RANBP17: variants seen among roughly 807,000 people sequenced by gnomAD.
RANBP17 encodes RAN binding protein 17.
Under a neutral mutation model 141.2 loss-of-function variants are expected in RANBP17, and 158 were observed. The ratio of observed to expected loss-of-function variants is 1.12; its 90% CI spans 0.98 to 1.28. The LOEUF is 1.28. RANBP17 is among the 50% of genes most tolerant of loss of function. The pLI is 0.00. For missense variants in RANBP17, 1,438 were observed against 1,290.7 expected (o/e 1.11, Z -1.75); for synonymous variants, 430 against 450.0 (o/e 0.96, Z 0.56).
intron 14 of RANBP17, among the ~76,000 whole-genome samples, chr5:171,077,795 G>GT (rs1419868888): frequency 6.6e-5 from 10 of 152,192 alleles, no homozygotes; most frequent in Non-Finnish European, 1.5e-4. Flanking sequence ...GATAAGTGAA[G>GT]TAGCCTTATT....
At chr5:171,239,935 A>G (rs1764763765) in intron 22 of RANBP17, among the ~76,000 whole-genome samples, 1 of 152,200 alleles carries the variant, frequency 6.6e-6, no homozygotes, top group South Asian at 2.1e-4. Flanking sequence ...CTCCACTCCC[A>G]GCATCCAAAT....
At chr5:171,178,114 G>A (rs1760621130) in intron 16 of RANBP17, among the ~76,000 whole-genome samples, 1 of 151,222 alleles carries the variant, frequency 6.6e-6, no homozygotes, top group Non-Finnish European at 1.5e-5. Flanking sequence ...GTGGTTTGCT[G>A]CACCCATCAA....
At chr5:171,090,309 CA>C (rs1260038523) in intron 14 of RANBP17, among the ~76,000 whole-genome samples, 1 of 152,148 alleles carries the variant, frequency 6.6e-6, no homozygotes, top group African/African-American at 2.4e-5. Flanking sequence ...AAGAGACTGC[CA>C]GCATTTTGAC....
intron 18 of RANBP17, among the ~76,000 whole-genome samples, chr5:171,192,937 G>A (rs1554113944): frequency 1.3e-5 from 2 of 152,168 alleles, no homozygotes; most frequent in Non-Finnish European, 2.9e-5. Context: ...TGTGGCCCAA[G>A]TTTCAGGGGC....
At chr5:171,173,382 A>T (rs1405506388) in intron 16 of RANBP17, among the ~76,000 whole-genome samples, 2 of 152,054 alleles carry the variant, frequency 1.3e-5, no homozygotes, top group Non-Finnish European at 2.9e-5. Flanking sequence ...GTTATTGGAA[A>T]TCTGTTTATA....
intron 14 of RANBP17, among the ~76,000 whole-genome samples, chr5:171,145,844 C>A (rs2127820961): frequency 6.6e-6 from 1 of 152,072 alleles, no homozygotes; most frequent in Non-Finnish European, 1.5e-5. Flanking sequence ...CTAATCCCCC[C>A]AAAAGTAAGG....
At chr5:171,033,885 G>A (rs893033145) in intron 14 of RANBP17, among the ~76,000 whole-genome samples, 6 of 152,042 alleles carry the variant, frequency 3.9e-5, no homozygotes, top group African/African-American at 9.7e-5. Context: ...TTGATACCAC[G>A]ACAATTTAAA....
intron 14 of RANBP17, among the ~76,000 whole-genome samples, chr5:170,990,066 C>CT (rs1778399968): frequency 6.6e-6 from 1 of 151,708 alleles, no homozygotes; most frequent in Non-Finnish European, 1.5e-5. Flanking sequence ...CTATAATTGT[C>CT]TAAGTTTGAA....
intron 14 of RANBP17, among the ~76,000 whole-genome samples, chr5:171,081,517 T>G (rs561044925): frequency 1.3e-5 from 2 of 152,318 alleles, no homozygotes; most frequent in South Asian, 4.1e-4. Context: ...CATAATAATC[T>G]TGACTTTACA....
intron 4 of RANBP17, among the ~76,000 whole-genome samples, chr5:170,895,433 C>G (rs2127390753): frequency 6.6e-6 from 1 of 152,208 alleles, no homozygotes; most frequent in South Asian, 2.1e-4. Context: ...AAATTGGAAG[C>G]TGATTAAATT....
chr5:170,929,134 T>A (rs1773147276), intron 12 of RANBP17, among the ~76,000 whole-genome samples: 2 of 152,120 alleles, frequency 1.3e-5, no homozygotes, highest in Admixed American at 1.3e-4. Flanking sequence ...CTAATAACTA[T>A]TTCATAGATT....
At chr5:170,928,276 T>C (rs924303144) in intron 12 of RANBP17, among the ~76,000 whole-genome samples, 6 of 152,148 alleles carry the variant, frequency 3.9e-5, no homozygotes, top group Middle Eastern at 3.2e-3. Context: ...TTTTCACATA[T>C]ATGTTTTACA....
chr5:171,275,437 A>C (rs994431918), intron 25 of RANBP17, among the ~76,000 whole-genome samples: 33 of 152,308 alleles, frequency 2.2e-4, no homozygotes, highest in African/African-American at 7.9e-4. Flanking sequence ...GAATAGATTC[A>C]TTCTTCCTGT....
At chr5:171,023,586 T>C (rs1355922313) in intron 14 of RANBP17, among the ~76,000 whole-genome samples, 1 of 152,216 alleles carries the variant, frequency 6.6e-6, no homozygotes, top group Non-Finnish European at 1.5e-5. Flanking sequence ...AAAATTTATT[T>C]TCTCCTTAAT....
At chr5:171,125,018 G>T (rs1756325771) in intron 14 of RANBP17, among the ~76,000 whole-genome samples, 1 of 152,238 alleles carries the variant, frequency 6.6e-6, no homozygotes, top group Non-Finnish European at 1.5e-5. Flanking sequence ...GGATGGGCTG[G>T]GGGCGGTGGC....
rs1767703924 is a variant in RANBP17, at chr5:170,871,311, TTCTGGG to T, written c.19-6785_19-6780del. ...ATCCGCCTGCCTCTGCCTCCCAAAG[TTCTGGG>T]ATTACAGGTGTGAGCCACCACACCT... On this transcript the variant is annotated intron_variant, in intron 1 of 27. Coordinates refer to ENST00000523189, the MANE Select transcript of RANBP17 (RefSeq NM_022897.5). Among the ~76,000 whole-genome samples, 6 of 27,884 alleles carry T rather than the reference TTCTGGG, an allele frequency of 2.2e-4. No individual in the cohort carries two copies. The Admixed American group carries it at 3.2e-3, about 15-fold the overall frequency. 18.3% of individuals were successfully genotyped at this position (27,884 alleles called of 152,430 possible). A position where few individuals can be genotyped will look rare whatever the true frequency, so the allele number is the denominator to read the frequency against.
At chr5:171,055,903 AAAAAAC>A (rs1561599072) in intron 14 of RANBP17, among the ~76,000 whole-genome samples, 6 of 151,364 alleles carry the variant, frequency 4.0e-5, no homozygotes, top group African/African-American at 1.5e-4. Flanking sequence ...AAAACAAAAA[AAAAAAC>A]ATTCTTATTA....
chr5:170,933,845 A>T (rs1296256476), intron 12 of RANBP17, among the ~76,000 whole-genome samples: 1 of 151,588 alleles, frequency 6.6e-6, no homozygotes, highest in Non-Finnish European at 1.5e-5. Context: ...TATGTGGTCA[A>T]TTTTGGAATA....
intron 14 of RANBP17, among the ~76,000 whole-genome samples, chr5:171,016,253 T>C (rs1282322923): frequency 6.6e-6 from 1 of 151,820 alleles, no homozygotes; most frequent in African/African-American, 2.4e-5. Flanking sequence ...TAGGTTTTTT[T>C]AGTTGTTTTA....
Sources: gnomAD v4.1 joint callset for allele counts (sites outside exome capture counted in the v4.1 genomes callset) on GRCh38, gnomAD v4.1.1 for gene constraint, MANE v1.5 for transcripts, NCBI Gene and HGNC (gene_info 2026-07-23, HGNC 2026-07-21) for gene names.